The following GOSR1 variants were observed in gnomAD, a reference collection of about 807,000 sequenced individuals.
GOSR1 encodes 28 kDa Golgi SNARE protein.
GOSR1 carries 21 observed loss-of-function variants against 35.5 expected under a neutral mutation model. The ratio of observed to expected loss-of-function variants is 0.59; its 90% CI spans 0.42 to 0.85. The LOEUF (loss-of-function observed/expected upper bound fraction) is 0.85. Among genes scored for constraint, GOSR1 ranks in the 40% least tolerant of loss-of-function variants. GOSR1 has a pLI of 0.00. For synonymous variants in GOSR1, 94 were observed against 106.6 expected (o/e 0.88, Z 0.73); for missense variants, 285 against 309.6 (o/e 0.92, Z 0.60).
chr17:30,497,371 T>C (rs1052674568), intron 6 of GOSR1, among the ~76,000 whole-genome samples: 3 of 152,206 alleles, frequency 2.0e-5, no homozygotes, highest in African/African-American at 7.2e-5. Flanking sequence ...ATTGGTAGTA[T>C]AGTGAAATGA....
chr17:30,482,571 CAATG>C, intron 2 of GOSR1, among the ~76,000 whole-genome samples: 1 of 152,286 alleles, frequency 6.6e-6, no homozygotes, highest in Middle Eastern at 3.4e-3. Context: ...CTAATAAAAA[CAATG>C]AAATCTGAGC....
intron 1 of GOSR1, among the ~76,000 whole-genome samples, chr17:30,478,224 A>T (rs906543910): frequency 9.8e-5 from 15 of 152,354 alleles, no homozygotes; most frequent in Non-Finnish European, 2.1e-4. Context: ...TCATTCGTGG[A>T]TTATGATGAT....
chr17:30,513,836 C>T (rs751556520), intron 7 of GOSR1, among the ~76,000 whole-genome samples: 4 of 152,126 alleles, frequency 2.6e-5, no homozygotes, highest in Non-Finnish European at 4.4e-5. Flanking sequence ...TGTAAGCCAA[C>T]CACTTGGAAG....
chr17:30,515,861 G>A (rs536457361), intron 7 of GOSR1, among the ~76,000 whole-genome samples: 37 of 152,206 alleles, frequency 2.4e-4, no homozygotes, highest in African/African-American at 8.9e-4. Context: ...TCTAGAATAG[G>A]CCTAAAAGTA....
At chr17:30,483,736 C>T (rs1257131820) in intron 2 of GOSR1, among the ~76,000 whole-genome samples, 1 of 152,198 alleles carries the variant, frequency 6.6e-6, no homozygotes, top group African/African-American at 2.4e-5. Context: ...ACACTGAGGA[C>T]AGGTGGGTTT....
intron 6 of GOSR1, among the ~76,000 whole-genome samples, chr17:30,499,509 T>C (rs1358233136): frequency 6.6e-6 from 1 of 152,094 alleles, no homozygotes; most frequent in Non-Finnish European, 1.5e-5. Context: ...GCCCAGCTAA[T>C]TTTTTGTATT....
intron 1 of GOSR1, chr17:30,477,862 T>C: frequency 1.0e-6 from 1 of 984,402 alleles, no homozygotes. Flanking sequence ...AGTCAGCGCA[T>C]TGGAGCTGAG....
chr17:30,483,815 A>G (rs138011985), intron 2 of GOSR1, among the ~76,000 whole-genome samples: 1 of 152,366 alleles, frequency 6.6e-6, no homozygotes, highest in African/African-American at 2.4e-5. Context: ...CAGATTTGAA[A>G]AGGCAATTTA....
At chr17:30,485,354 C>T (rs989079503) in intron 4 of GOSR1, among the ~76,000 whole-genome samples, 13 of 151,784 alleles carry the variant, frequency 8.6e-5, no homozygotes, top group African/African-American at 2.9e-4. Context: ...GCAGCCTCAA[C>T]CTCCCAAGCT....
intron 6 of GOSR1, among the ~76,000 whole-genome samples, chr17:30,499,001 T>A (rs973160773): frequency 1.3e-5 from 2 of 152,164 alleles, no homozygotes; most frequent in Non-Finnish European, 2.9e-5. Flanking sequence ...CTTATGCCCC[T>A]TTTGAGTCAG....
At chr17:30,484,435 T>C in intron 3 of GOSR1, 134 bp downstream of exon 3, 1 of 686,652 alleles carries the variant, frequency 1.5e-6, no homozygotes, top group South Asian at 1.7e-5. Context: ...CCCACACCAC[T>C]TGAATTTTGA....
intron 1 of GOSR1, chr17:30,478,653 T>A (rs896998906): frequency 6.6e-6 from 1 of 151,116 alleles, no homozygotes; most frequent in Non-Finnish European, 1.5e-5. Flanking sequence ...GCCTCCTGCG[T>A]TCAAGCGATT....
chr17:30,481,285 T>G, intron 2 of GOSR1, 28 bp downstream of exon 2: 1 of 1,562,352 alleles, frequency 6.4e-7, no homozygotes, highest in Non-Finnish European at 8.8e-7. Flanking sequence ...TTCTGTCTCC[T>G]ATGCCTTAAC....
intron 4 of GOSR1, among the ~76,000 whole-genome samples, chr17:30,485,402 G>A (rs1914619161): frequency 6.6e-6 from 1 of 152,036 alleles, no homozygotes; most frequent in Non-Finnish European, 1.5e-5. Context: ...GAGCATCTGG[G>A]ACCACAAGCA....
intron 8 of GOSR1, among the ~76,000 whole-genome samples, chr17:30,521,980 C>T (rs549633876): frequency 4.6e-5 from 7 of 152,266 alleles, no homozygotes; most frequent in African/African-American, 1.4e-4. Context: ...TGCTTGGGAA[C>T]TGTCATCGTC....
rs146916678 is a variant in GOSR1 at position 30,520,421 on chromosome 17, G to T, written c.622+400G>T. The T allele has an allele frequency of 5.5e-4, 85 of 155,020 alleles. 6 individuals carry two copies. The East Asian group carries it at 0.016, about 29-fold the overall frequency. 9.6% of individuals were successfully genotyped at this position (155,020 alleles called of 1,614,324 possible). A position where few individuals can be genotyped will look rare whatever the true frequency, so the allele number is the denominator to read the frequency against. On this transcript the variant is annotated intron_variant, in intron 8 of 8. Coordinates refer to ENST00000451249, the MANE Select transcript of GOSR1 (RefSeq NM_001007025.2). ...ATAAGTCAGTGGCAGATGCTTGGAA[G>T]GGGGAAGGAAGGAGACAGCCACCCG...
In GOSR1 at chr17:30,525,654, C is replaced by T. The variant is rs1376011118; in HGVS notation, c.*3276C>T. On this transcript the variant is annotated 3_prime_UTR_variant, in exon 9 of 9. Transcript: ENST00000451249. ...TATACTACCAGTCTTTTTTACTGGTCTGATTCTTTTGTGCATTCATTAAAG... is the reference window on the plus strand; with the variant it reads ...TATACTACCAGTCTTTTTTACTGGTTTGATTCTTTTGTGCATTCATTAAAG... 6.6e-6 allele frequency: 1 copy of T among 152,036 alleles called. No individual in the cohort carries two copies. 9.4% of individuals were successfully genotyped at this position (152,036 alleles called of 1,614,324 possible). A position where few individuals can be genotyped will look rare whatever the true frequency, so the allele number is the denominator to read the frequency against.
chr17:30,501,259 A>AT lies in GOSR1; in HGVS notation c.509+8507dup, dbSNP rs570758878. On this transcript the variant is annotated intron_variant, in intron 6 of 8. Coordinates refer to ENST00000451249, the MANE Select transcript of GOSR1 (RefSeq NM_001007025.2). ...CATCTTAACCAAGGAAGATATACAG[A>AT]TGATAAATTAAGCATGTGAAAAGAT... Among the ~76,000 whole-genome samples the AT allele has an allele frequency of 3.3e-3, 503 of 152,282 alleles. 5 individuals are homozygous for AT. The highest frequency in any genetic ancestry group is 0.011 in the African/African-American group (466 of 41,564).
chr17:30,484,105 C>T, intron 2 of GOSR1, 109 bp from the exon 3 acceptor site: 2 of 694,432 alleles, frequency 2.9e-6, no homozygotes, highest in Non-Finnish European at 2.6e-6. Flanking sequence ...CCCTATATAA[C>T]ATAATCCATA....
Sources: gnomAD v4.1 joint callset for allele counts (sites outside exome capture counted in the v4.1 genomes callset) on GRCh38, gnomAD v4.1.1 for gene constraint, MANE v1.5 for transcripts, NCBI Gene and HGNC (gene_info 2026-07-23, HGNC 2026-07-21) for gene names.